The following WDR41 variants were observed in gnomAD, a reference collection of about 807,000 sequenced individuals.
WDR41 encodes WD repeat domain 41.
WDR41 carries 63 observed loss-of-function variants against 69.3 expected under a neutral mutation model. The observed-to-expected ratio is 0.91, with a 90% confidence interval of 0.74 to 1.12. The LOEUF is 1.12. WDR41 is among the 50% of genes most tolerant of loss of function. WDR41 has a pLI of 0.00. For synonymous variants in WDR41, 185 were observed against 192.1 expected (o/e 0.96, Z 0.31); for missense variants, 543 against 534.5 (o/e 1.02, Z -0.16).
At chr5:77,607,472 C>G (rs777815632) in intron 1 of WDR41, among the ~76,000 whole-genome samples, 2 of 152,214 alleles carry the variant, frequency 1.3e-5, no homozygotes, top group African/African-American at 2.4e-5. Context: ...TCACTAGAAG[C>G]AGCTGGGTGC....
chr5:77,461,626 A>T (rs189149882), intron 4 of WDR41, among the ~76,000 whole-genome samples: 3 of 152,306 alleles, frequency 2.0e-5, no homozygotes, highest in Non-Finnish European at 4.4e-5. Flanking sequence ...TCACGAAGTC[A>T]GGAGTTCGAG....
At chr5:77,536,982 C>G (rs1742998758) in intron 1 of WDR41, among the ~76,000 whole-genome samples, 1 of 152,124 alleles carries the variant, frequency 6.6e-6, no homozygotes, top group South Asian at 2.1e-4. Flanking sequence ...TCTATGGAAA[C>G]CTGACTGGTA....
At chr5:77,442,272 T>TA (rs1196499055) in intron 8 of WDR41, among the ~76,000 whole-genome samples, 1 of 152,212 alleles carries the variant, frequency 6.6e-6, no homozygotes, top group East Asian at 1.9e-4. Flanking sequence ...AATCTGAAGA[T>TA]AACTACACAT....
intron 1 of WDR41, among the ~76,000 whole-genome samples, chr5:77,550,426 T>G (rs185430075): frequency 2.0e-5 from 3 of 152,044 alleles, no homozygotes; most frequent in African/African-American, 7.2e-5. Context: ...CTTTAAAAGA[T>G]AGGCAAAAGA....
chr5:77,465,472 A>T (rs367937042), intron 2 of WDR41, among the ~76,000 whole-genome samples: 1 of 152,224 alleles, frequency 6.6e-6, no homozygotes, highest in African/African-American at 2.4e-5. Context: ...CAAATTCTGT[A>T]GAGTAGAAGA....
At chr5:77,616,319 CAG>C (rs2112350185) in intron 1 of WDR41, among the ~76,000 whole-genome samples, 1 of 152,326 alleles carries the variant, frequency 6.6e-6, no homozygotes, top group East Asian at 1.9e-4. Flanking sequence ...GCCCTTTCAA[CAG>C]CTTTTTCTTT....
chr5:77,612,625 G>T (rs1744586071), intron 1 of WDR41, among the ~76,000 whole-genome samples: 1 of 152,118 alleles, frequency 6.6e-6, no homozygotes, highest in South Asian at 2.1e-4. Context: ...AATAAATTAG[G>T]TATTGATGGG....
chr5:77,503,175 C>A (rs1404164278), intron 1 of WDR41, among the ~76,000 whole-genome samples: 1 of 106,222 alleles, frequency 9.4e-6, no homozygotes, highest in Non-Finnish European at 1.8e-5. Flanking sequence ...GAAGATCTAC[C>A]AAGCAAATGG....
intron 1 of WDR41, among the ~76,000 whole-genome samples, chr5:77,510,308 G>A (rs1352986694): frequency 1.3e-5 from 2 of 152,092 alleles, no homozygotes; most frequent in South Asian, 2.1e-4. Flanking sequence ...AGAACAGCAT[G>A]GGAAAGACCT....
chr5:77,558,963 T>C (rs779745994), intron 1 of WDR41, among the ~76,000 whole-genome samples: 4 of 152,206 alleles, frequency 2.6e-5, no homozygotes, highest in Non-Finnish European at 5.9e-5. Context: ...AACAAGAAAT[T>C]GTGGGCTAAG....
intron 1 of WDR41, among the ~76,000 whole-genome samples, chr5:77,594,560 C>T (rs1382764446): frequency 1.3e-5 from 2 of 152,070 alleles, no homozygotes; most frequent in African/African-American, 4.8e-5. Flanking sequence ...AAGGAAATAA[C>T]ATGCTTGGGC....
intron 1 of WDR41, among the ~76,000 whole-genome samples, chr5:77,542,239 G>C (rs541073307): frequency 1.3e-5 from 2 of 152,098 alleles, no homozygotes; most frequent in Non-Finnish European, 2.9e-5. Context: ...ATGGACACAT[G>C]GGGGAGAAGA....
At chr5:77,531,397 A>G (rs934518272) in intron 1 of WDR41, among the ~76,000 whole-genome samples, 1 of 152,078 alleles carries the variant, frequency 6.6e-6, no homozygotes, top group African/African-American at 2.4e-5. Flanking sequence ...CAACAAGCAC[A>G]TGAAAAGATG....
intron 1 of WDR41, chr5:77,583,010 A>G (rs1036389229): frequency 3.1e-6 from 5 of 1,599,970 alleles, no homozygotes; most frequent in Admixed American, 3.3e-5. Flanking sequence ...TGGCCCTTCA[A>G]ATTGTCTTCT....
chr5:77,582,627 T>C, intron 1 of WDR41: 1 of 1,601,620 alleles, frequency 6.2e-7, no homozygotes, highest in South Asian at 1.1e-5. Flanking sequence ...TCTATGTACC[T>C]GCAGAACCCA....
chr5:77,505,278 T>G (rs953423662), intron 1 of WDR41, among the ~76,000 whole-genome samples: 4 of 152,084 alleles, frequency 2.6e-5, no homozygotes, highest in African/African-American at 9.7e-5. Context: ...CCATTTACAA[T>G]TGCTACAAAG....
chr5:77,469,253 T>G (rs1214937795), intron 2 of WDR41, among the ~76,000 whole-genome samples: 1 of 150,514 alleles, frequency 6.6e-6, no homozygotes. Context: ...GGGGTGGGGG[T>G]AGGGGGGAGG....
intron 1 of WDR41, among the ~76,000 whole-genome samples, chr5:77,522,367 C>T (rs565515320): frequency 1.1e-4 from 16 of 152,244 alleles, no homozygotes; most frequent in Admixed American, 2.6e-4. Context: ...AGAGGCCGGG[C>T]GTGGTGGCTT....
intron 1 of WDR41, among the ~76,000 whole-genome samples, chr5:77,557,246 T>G (rs1743420418): frequency 6.6e-6 from 1 of 152,140 alleles, no homozygotes; most frequent in African/African-American, 2.4e-5. Context: ...ATATTAAAGT[T>G]AAAAACTTCT....
Sources: allele counts gnomAD v4.1 joint callset (sites outside exome capture counted in the v4.1 genomes callset), GRCh38; gene constraint gnomAD v4.1.1; transcripts MANE v1.5; gene names NCBI Gene and HGNC (gene_info 2026-07-23, HGNC 2026-07-21).